The following TTC8 variants were observed in gnomAD, a reference collection of about 807,000 sequenced individuals.
TTC8 encodes the protein tetratricopeptide repeat protein 8.
A neutral mutation model predicts 72.5 loss-of-function variants in TTC8; 47 were observed. The ratio of observed to expected loss-of-function variants is 0.65; its 90% CI spans 0.51 to 0.83. TTC8 has a LOEUF of 0.83. TTC8 is among the 40% of genes least tolerant of loss of function. The pLI, the probability that TTC8 is intolerant of heterozygous loss-of-function variation, is 0.00. For synonymous variants in TTC8, 199 were observed against 221.4 expected (o/e 0.90, Z 0.90); for missense variants, 611 against 623.2 (o/e 0.98, Z 0.21).
chr14:88,857,776 G>C (rs2094863839), intron 9 of TTC8, among the ~76,000 whole-genome samples: 1 of 152,092 alleles, frequency 6.6e-6, no homozygotes, highest in Non-Finnish European at 1.5e-5. Context: ...GCAAAGGTGA[G>C]TTTTATCATT....
chr14:88,879,229 G>A (rs2094966733), downstream of TTC8: 1 of 152,208 alleles, frequency 6.6e-6, no homozygotes, highest in Non-Finnish European at 1.5e-5. Flanking sequence ...GTGGATGACT[G>A]TATCAGAAGC....
rs1469319603 is a variant in TTC8 at position 88,870,179 on chromosome 14, A to C, written c.1030A>C (p.Ile344Leu). ...SNHFYSDQPEIALRFYRRLLQ... is the reference protein window; with the variant it reads ...SNHFYSDQPELALRFYRRLLQ... ...CCACTTCTATTCTGATCAGCCAGAA[A>C]TAGCTCTCCGGTTTTACAGGTGCAC... Residue 344 changes from isoleucine to leucine, a missense_variant, in exon 11 of 15, where the codon ATA becomes CTA. Transcript: ENST00000380656. The C allele has an allele frequency of 6.2e-7, 1 of 1,614,164 alleles. No individual in the cohort carries two copies.
chr14:88,833,807 C>T lies in TTC8; in HGVS notation c.144+85C>T. On this transcript the variant is annotated intron_variant, in intron 2 of 14. Coordinates refer to ENST00000380656, the MANE Select transcript of TTC8 (RefSeq NM_144596.4). ...TTGTTGCTATAGATTAGAAAATTTG[C>T]TGCATATCTTCCTGTGGGTTTATAA... is the stretch of plus-strand genomic sequence containing the variant. 5 of 1,240,772 alleles carry T rather than the reference C, an allele frequency of 4.0e-6. No homozygotes were observed. The South Asian group carries it at 6.0e-5, about 15-fold the overall frequency. The allele number at this position is 1,240,772 out of a possible 1,614,324, so 76.9% of individuals were successfully genotyped here. A position where few individuals can be genotyped will look rare whatever the true frequency, so the allele number is the denominator to read the frequency against.
At chr14:88,874,676 G>T (rs1040512629) in intron 13 of TTC8, among the ~76,000 whole-genome samples, 7 of 152,132 alleles carry the variant, frequency 4.6e-5, no homozygotes, top group Non-Finnish European at 8.8e-5. Flanking sequence ...GTAGAATGTT[G>T]TAGTATTGAG....
rs548919421 is a variant in TTC8 at position 88,850,236 on chromosome 14, T to A, written c.625-2735T>A. 1.6e-3 allele frequency among the ~76,000 whole-genome samples: 237 copies of A among 152,340 alleles called. 1 individual carries two copies. The highest frequency in any genetic ancestry group is 5.5e-3 in the African/African-American group (230 of 41,590). Reference sequence around the variant, plus strand: ...TTACTATGACAATTTTGTTTGGTTTTTAAGGTGTTGTCAACAGACGTCAGA... The same window carrying A: ...TTACTATGACAATTTTGTTTGGTTTATAAGGTGTTGTCAACAGACGTCAGA... On this transcript the variant is annotated intron_variant, in intron 7 of 14. Coordinates refer to ENST00000380656, the MANE Select transcript of TTC8 (RefSeq NM_144596.4).
intron 10 of TTC8, 79 bp from the exon 11 acceptor site, chr14:88,869,980 G>A (rs1269769849): frequency 1.3e-5 from 19 of 1,424,062 alleles, no homozygotes; most frequent in Middle Eastern, 3.5e-4. Context: ...TTGAATGAAT[G>A]GACTTAAATC....
chr14:88,825,152 G>A (rs2094693306), intron 1 of TTC8, among the ~76,000 whole-genome samples: 1 of 152,186 alleles, frequency 6.6e-6, no homozygotes, highest in Admixed American at 6.5e-5. Context: ...ATATTGATGG[G>A]CTTTAAGCTC....
At chr14:88,824,611 T>C, upstream of TTC8, 2 of 989,628 alleles carry the variant, frequency 2.0e-6, no homozygotes, top group Non-Finnish European at 3.1e-6. Flanking sequence ...GCCCCAGCCG[T>C]CGCGGGTTGC....
intron 13 of TTC8, among the ~76,000 whole-genome samples, chr14:88,874,411 A>G (rs2094948194): frequency 1.3e-5 from 2 of 152,088 alleles, no homozygotes; most frequent in East Asian, 3.9e-4. Flanking sequence ...TGGTCTCTGC[A>G]TTGATGATCC....
chr14:88,825,744 C>T (rs1413048122), intron 1 of TTC8, among the ~76,000 whole-genome samples: 2 of 152,110 alleles, frequency 1.3e-5, no homozygotes, highest in African/African-American at 4.8e-5. Context: ...AAGGGAGTTA[C>T]AAAAGCGGAG....
At chr14:88,859,755 C>T (rs1044769961) in intron 9 of TTC8, among the ~76,000 whole-genome samples, 1 of 141,144 alleles carries the variant, frequency 7.1e-6, no homozygotes, top group Non-Finnish European at 1.6e-5. Context: ...AGACTCATCT[C>T]TAAAAAATAT....
At chr14:88,861,168 A>G in intron 9 of TTC8, 54 bp from the exon 10 acceptor site, 1 of 1,262,818 alleles carries the variant, frequency 7.9e-7, no homozygotes, top group East Asian at 2.5e-5. Context: ...AAATGTCATA[A>G]CAAATATTAA....
At chr14:88,839,627 TG>T in intron 3 of TTC8, 55 bp downstream of exon 3, 1 of 1,590,854 alleles carries the variant, frequency 6.3e-7, no homozygotes, top group Non-Finnish European at 8.6e-7. Context: ...GGAAGAATAC[TG>T]TGTATAAGAG....
chr14:88,835,922 G>A (rs1284109376), intron 2 of TTC8, among the ~76,000 whole-genome samples: 3 of 151,998 alleles, frequency 2.0e-5, no homozygotes, highest in African/African-American at 7.2e-5. Flanking sequence ...CACATTGCCA[G>A]GAGCAGTTCT....
rs1328923738 is a variant in TTC8 at position 88,872,542 on chromosome 14, A to T, written c.1347+90A>T. On this transcript the variant is annotated intron_variant, in intron 13 of 14. Transcript: ENST00000380656. Reference sequence around the variant, plus strand: ...GTAGCATTACAGCGTATGTTATTTTAAAATGAGCTCTAGAATCTGACAGGC... The same window carrying T: ...GTAGCATTACAGCGTATGTTATTTTTAAATGAGCTCTAGAATCTGACAGGC... 3 of 1,570,090 alleles carry T rather than the reference A, an allele frequency of 1.9e-6. No individual in the cohort carries two copies. The East Asian group carries it at 6.8e-5, about 36-fold the overall frequency.
intron 1 of TTC8, among the ~76,000 whole-genome samples, chr14:88,833,373 T>C (rs1230197140): frequency 6.6e-6 from 1 of 152,178 alleles, no homozygotes; most frequent in African/African-American, 2.4e-5. Flanking sequence ...AAAGGAAATA[T>C]TTCCTTGGTA....
chr14:88,873,599 A>G (rs900253113), intron 13 of TTC8, among the ~76,000 whole-genome samples: 1 of 152,214 alleles, frequency 6.6e-6, no homozygotes, highest in Admixed American at 6.5e-5. Context: ...AATGGATGAT[A>G]CATAAAATAG....
chr14:88,869,807 G>A (rs893948784), intron 10 of TTC8, among the ~76,000 whole-genome samples: 1 of 152,030 alleles, frequency 6.6e-6, no homozygotes, highest in Non-Finnish European at 1.5e-5. Flanking sequence ...CTCCTTCTCT[G>A]TTTCTCTTCA....
Position 88,877,315 on chromosome 14 carries a change from T to G in TTC8, c.1453T>G (p.Tyr485Asp). Residue 485 changes from tyrosine (Y) to aspartate (D), a missense_variant, in exon 15 of 15, where the codon TAT (tyrosine) becomes GAT (aspartate). Physicochemically the swap from Tyr to Asp is radical, Grantham distance 160 (BLOSUM62 -3). Coordinates refer to ENST00000380656, the MANE Select transcript of TTC8 (RefSeq NM_144596.4). ...GCAGATTGGAGATCTGCAGAGAAGCTATGTTGCTGCGCAGAAGTCTGAAGC... is the reference window on the plus strand; with the variant it reads ...GCAGATTGGAGATCTGCAGAGAAGCGATGTTGCTGCGCAGAAGTCTGAAGC... ...SDKIGDLQRS[Y>D]VAAQKSEAAF... 1 of 1,613,748 alleles carries G rather than the reference T, an allele frequency of 6.2e-7. No homozygotes were observed.
Sources: gnomAD v4.1 joint callset for allele counts (sites outside exome capture counted in the v4.1 genomes callset) on GRCh38, gnomAD v4.1.1 for gene constraint, MANE v1.5 for transcripts, NCBI Gene and HGNC (gene_info 2026-07-23, HGNC 2026-07-21) for gene names.